The following GRIN2B variants were observed in gnomAD, a reference collection of about 807,000 sequenced individuals.
The protein encoded by GRIN2B is glutamate receptor ionotropic, NMDA 2B.
In GRIN2B, 5 loss-of-function variants were observed where a neutral mutation model predicts 114.5. The observed-to-expected ratio is 0.04, with a 90% CI of 0.02 to 0.09. The LOEUF (loss-of-function observed/expected upper bound fraction) is 0.09. Among genes scored for constraint, GRIN2B ranks in the 10% least tolerant of loss-of-function variants. The probability of loss-of-function intolerance (pLI) is 1.00; values close to 1 mark genes in which losing one functional copy is unlikely to be tolerated. For missense variants in GRIN2B, 1,108 were observed against 1,943.5 expected, an observed-to-expected ratio of 0.57 and a Z score of 8.08; for synonymous variants, 787 against 745.1, an observed-to-expected ratio of 1.06 and a Z score of -0.92.
At chr12:13,817,628 G>T (rs530929924) in intron 3 of GRIN2B, among the ~76,000 whole-genome samples, 1 of 152,246 alleles carries the variant, frequency 6.6e-6, no homozygotes, top group African/African-American at 2.4e-5. Flanking sequence ...ACTTAATAAA[G>T]GGAAGTTTCA....
At chr12:13,743,493 G>A (rs1369871699) in intron 4 of GRIN2B, among the ~76,000 whole-genome samples, 1 of 151,978 alleles carries the variant, frequency 6.6e-6, no homozygotes, top group African/African-American at 2.4e-5. Context: ...TCAATAATGA[G>A]GGAAATTTGA....
intron 3 of GRIN2B, among the ~76,000 whole-genome samples, chr12:13,794,200 T>G (rs1591734968): frequency 8.8e-6 from 1 of 113,206 alleles, no homozygotes; most frequent in Non-Finnish European, 1.7e-5. Context: ...AGTGTGAGAC[T>G]CTGTCTCAAA....
intron 3 of GRIN2B, among the ~76,000 whole-genome samples, chr12:13,845,802 C>G (rs1865463423): frequency 6.6e-6 from 1 of 152,156 alleles, no homozygotes; most frequent in African/African-American, 2.4e-5. Context: ...CTTTCCTTTC[C>G]CTACTGCATG....
rs577034968 is a variant in GRIN2B, at chr12:13,854,400, T to C, written c.411+11398A>G. 2.0e-5 allele frequency among the ~76,000 whole-genome samples: 3 copies of C among 151,854 alleles called. No individual in the cohort carries two copies. The South Asian group carries it at 6.3e-4, about 32-fold the overall frequency. On this transcript the variant is annotated intron_variant, in intron 3 of 13. Coordinates refer to ENST00000609686, the MANE Select transcript of GRIN2B (RefSeq NM_000834.5). ...TGGTGAGTGCCTATAATCCCAGCTA[T>C]GAGGGAGGCTGAGGCAAGAGAATCA...
At chr12:13,939,268 T>A (rs1401082609) in intron 2 of GRIN2B, among the ~76,000 whole-genome samples, 1 of 152,170 alleles carries the variant, frequency 6.6e-6, no homozygotes, top group Admixed American at 6.6e-5. Flanking sequence ...CATAGAAATG[T>A]GATCCCCAGT....
At chr12:13,648,989 A>T (rs1251527780) in intron 5 of GRIN2B, among the ~76,000 whole-genome samples, 1 of 152,070 alleles carries the variant, frequency 6.6e-6, no homozygotes, top group Non-Finnish European at 1.5e-5. Flanking sequence ...GGGAAAAAAT[A>T]GCACAATGGA....
chr12:13,761,593 AC>A (rs1187143605), intron 3 of GRIN2B, among the ~76,000 whole-genome samples: 1 of 152,218 alleles, frequency 6.6e-6, no homozygotes, highest in Non-Finnish European at 1.5e-5. Context: ...AGGTATCGGG[AC>A]CACTAAAATC....
In GRIN2B at chr12:13,564,202, G is replaced by A; in HGVS notation, c.3036C>T (p.Thr1012=). Residue 1012 remains threonine, a synonymous_variant, in exon 14 of 14, where the codon ACC becomes ACT. Transcript: ENST00000609686. The surrounding 1 kb of genome is among the most constrained non-coding windows in gnomAD (Gnocchi z 4.8). ...GLYDCDNPPF[T]TQSRSISKKP... ...TCTTGCTGATGGACCTGGACTGGGT[G>A]GTGAAGGGTGGGTTGTCACAGTCGT... The A allele has an allele frequency of 6.2e-7, 1 of 1,614,188 alleles. No homozygotes were observed. The highest frequency in any genetic ancestry group is 2.2e-5 in the East Asian group (1 of 44,866).
intron 3 of GRIN2B, among the ~76,000 whole-genome samples, chr12:13,831,118 G>A (rs1371144743): frequency 2.0e-5 from 3 of 152,098 alleles, no homozygotes; most frequent in African/African-American, 4.8e-5. Flanking sequence ...CTCCCACCTC[G>A]TGGTCTCTGG....
chr12:13,777,596 A>G (rs758294016), intron 3 of GRIN2B, among the ~76,000 whole-genome samples: 2 of 152,216 alleles, frequency 1.3e-5, no homozygotes, highest in African/African-American at 2.4e-5. Context: ...CAAGGCCCCT[A>G]AACAAGAGAA....
chr12:13,912,033 C>T (rs1349405549), intron 2 of GRIN2B, among the ~76,000 whole-genome samples: 1 of 152,118 alleles, frequency 6.6e-6, no homozygotes, highest in East Asian at 1.9e-4. Context: ...CCCCTCAGAA[C>T]TCGCCTACTG....
chr12:13,565,008 C>A (rs748300091), intron 13 of GRIN2B, among the ~76,000 whole-genome samples: 1 of 152,128 alleles, frequency 6.6e-6, no homozygotes, highest in East Asian at 1.9e-4. Flanking sequence ...TGATATCAAC[C>A]CATAGCAAAA....
At chr12:13,653,075 A>G (rs1349873577) in intron 5 of GRIN2B, among the ~76,000 whole-genome samples, 2 of 152,186 alleles carry the variant, frequency 1.3e-5, no homozygotes, top group South Asian at 2.1e-4. Context: ...GGAAAGAAGG[A>G]AATTGCAGTA....
At chr12:13,952,796 G>A (rs1046553973) in intron 2 of GRIN2B, among the ~76,000 whole-genome samples, 7 of 151,282 alleles carry the variant, frequency 4.6e-5, no homozygotes, top group African/African-American at 1.5e-4. Flanking sequence ...TTTTTTGCGT[G>A]CTTTATAATG....
chr12:13,777,910 T>C (rs1229202791), intron 3 of GRIN2B, among the ~76,000 whole-genome samples: 3 of 152,220 alleles, frequency 2.0e-5, no homozygotes, highest in Non-Finnish European at 4.4e-5. Context: ...CTCAGTCTCT[T>C]TCCAATTTCC....
intron 5 of GRIN2B, among the ~76,000 whole-genome samples, chr12:13,644,725 G>T (rs544007032): frequency 1.3e-5 from 2 of 152,286 alleles, no homozygotes; most frequent in East Asian, 3.9e-4. Flanking sequence ...ATAACTTGCT[G>T]CAGCTTCTCC....
Position 13,562,754 on chromosome 12 carries a change from TACCC to T in GRIN2B, c.*25_*28del, listed in dbSNP as rs751398824. 5.9e-4 allele frequency: 935 copies of T among 1,594,602 alleles called. 2 individuals are homozygous for T. The highest frequency in any genetic ancestry group is 7.8e-4 in the Non-Finnish European group (902 of 1,162,290). On this transcript the variant is annotated 3_prime_UTR_variant, in exon 14 of 14. Coordinates refer to ENST00000609686, the MANE Select transcript of GRIN2B (RefSeq NM_000834.5). Reference sequence around the variant, plus strand: ...CGCGACCCACAGCCTTACCCTCCCGTACCCACCTTAACCTCTCTGTTCCCTCACT... The same window carrying T: ...CGCGACCCACAGCCTTACCCTCCCGTACCTTAACCTCTCTGTTCCCTCACT...
intron 3 of GRIN2B, among the ~76,000 whole-genome samples, chr12:13,779,574 A>T (rs1864069400): frequency 6.6e-6 from 1 of 152,258 alleles, no homozygotes; most frequent in Non-Finnish European, 1.5e-5. Flanking sequence ...ATATTAATTC[A>T]ATGTGAAATC....
rs960258226 is a variant in GRIN2B, at chr12:13,549,269, C to T, written c.*13514G>A. 1 of 152,174 alleles carries T rather than the reference C, an allele frequency of 6.6e-6. No individual in the cohort carries two copies. The highest frequency in any genetic ancestry group is 2.4e-5 in the African/African-American group (1 of 41,442). The allele number at this position is 152,174 out of a possible 1,614,324, so 9.4% of individuals were successfully genotyped here. ...CAACCTTGTGACAAAATCAAGGTCT[C>T]ATAAGTATTCTCAGGAGACTATTAA... On this transcript the variant is annotated 3_prime_UTR_variant, in exon 14 of 14. Transcript: ENST00000609686.
Sources: gnomAD v4.1 joint callset for allele counts (sites outside exome capture counted in the v4.1 genomes callset) on GRCh38, gnomAD v4.1.1 for gene constraint, Gnocchi (gnomAD v3.1) non-coding constraint, MANE v1.5 for transcripts, NCBI Gene and HGNC (gene_info 2026-07-23, HGNC 2026-07-21) for gene names.